SIRPB1: variants seen among roughly 807,000 people sequenced by gnomAD.
SIRPB1 encodes the protein signal regulatory protein beta 1.
Under a neutral mutation model 34.1 loss-of-function variants are expected in SIRPB1, and 28 were observed. The observed-to-expected ratio is 0.82, with a 90% CI of 0.61 to 1.12. The LOEUF (loss-of-function observed/expected upper bound fraction) is 1.12, where lower values mean the gene tolerates loss of function less well. SIRPB1 is among the 50% of genes most tolerant of loss of function. The probability of loss-of-function intolerance (pLI) is 0.00; values close to 1 mark genes in which losing one functional copy is unlikely to be tolerated. For synonymous variants in SIRPB1, 211 were observed against 203.8 expected (o/e 1.04, Z -0.30); for missense variants, 499 against 507.0 (o/e 0.98, Z 0.15).
rs2091131217 is a variant in SIRPB1 at position 1,566,218 on chromosome 20, G to A, written c.1134C>T (p.Gly378=). 6.2e-7 allele frequency: 1 copy of A among 1,612,338 alleles called. No homozygotes were observed. Among genetic ancestry groups the A allele is most frequent in the South Asian group, 1.1e-5 (1 of 90,548 alleles). ...TAPLLVALLL[G]PKLLLVVGVS... ...CACCAACCACCAGTAGCAGCTTGGGGCCCAGGAGGAGAGCTACGAGGAGTG... is the reference window on the plus strand; with the variant it reads ...CACCAACCACCAGTAGCAGCTTGGGACCCAGGAGGAGAGCTACGAGGAGTG... Residue 378 remains glycine, a synonymous_variant, in exon 5 of 6, where the codon GGC becomes GGT. Transcript: ENST00000381605.
chr20:1,616,720 C>A (rs972638482), intron 1 of SIRPB1, among the ~76,000 whole-genome samples: 1 of 152,124 alleles, frequency 6.6e-6, no homozygotes, highest in Non-Finnish European at 1.5e-5. Flanking sequence ...AACTAAAAAG[C>A]TTCTACACAG....
intron 4 of SIRPB1, chr20:1,570,389 A>G (rs1272002687): frequency 1.3e-5 from 2 of 156,706 alleles, no homozygotes; most frequent in African/African-American, 4.8e-5. Context: ...ACAGATGCGG[A>G]TGGAAAAGTT....
intron 2 of SIRPB1, among the ~76,000 whole-genome samples, chr20:1,574,561 A>T (rs2091286189): frequency 7.4e-6 from 1 of 135,854 alleles, no homozygotes; most frequent in Non-Finnish European, 1.6e-5. Flanking sequence ...TTTCCCAATG[A>T]TTCTAATGAG....
chr20:1,561,999 G>T lies in SIRPB1; in HGVS notation c.*3501C>A, dbSNP rs2091086640. 6.6e-6 allele frequency among the ~76,000 whole-genome samples: 1 copy of T among 152,058 alleles called. No homozygotes were observed. Among genetic ancestry groups the T allele is most frequent in the Admixed American group, 6.6e-5 (1 of 15,258 alleles). ...TTTATTCAATCATTTATTTATATCA[G>T]TATGGACTCAGATATTTATTTTATA... On this transcript the variant is annotated 3_prime_UTR_variant, in exon 6 of 6. Coordinates refer to ENST00000381605, the MANE Select transcript of SIRPB1 (RefSeq NM_006065.5).
chr20:1,617,527 C>T (rs1600172104), intron 1 of SIRPB1, among the ~76,000 whole-genome samples: 2 of 152,112 alleles, frequency 1.3e-5, no homozygotes, highest in African/African-American at 4.8e-5. Flanking sequence ...TTACCAGGCA[C>T]TAGGCAGGGG....
chr20:1,614,816 C>T (rs1426504285), intron 1 of SIRPB1, among the ~76,000 whole-genome samples: 1 of 152,070 alleles, frequency 6.6e-6, no homozygotes, highest in Non-Finnish European at 1.5e-5. Flanking sequence ...TGACTCATGA[C>T]TTACTGATTT....
chr20:1,604,956 G>T, intron 1 of SIRPB1: 1 of 609,904 alleles, frequency 1.6e-6, no homozygotes, highest in Middle Eastern at 6.2e-4. Flanking sequence ...ATTTCAGGGT[G>T]ATGTCTCTGG....
rs1199817176 is a variant in SIRPB1 at position 1,594,715 on chromosome 20, T to C, written c.77-16021A>G. Among the ~76,000 whole-genome samples, 2 of 48,644 alleles carry C rather than the reference T, an allele frequency of 4.1e-5. 1 individual carries two copies. The highest frequency in any genetic ancestry group is 2.8e-4 in the Admixed American group (2 of 7,272). The allele number at this position is 48,644 out of a possible 152,430, so 31.9% of individuals were successfully genotyped here. On this transcript the variant is annotated intron_variant, in intron 1 of 5. Transcript: ENST00000381605. ...TGACCCTGGGGACACTATTAACTTC[T>C]CTGTTTCTTGAGTTTCCTCAACTGT...
At chr20:1,567,088 TA>T (rs75930333) in intron 4 of SIRPB1, among the ~76,000 whole-genome samples, 181 of 149,372 alleles carry the variant, frequency 1.2e-3, no homozygotes, top group African/African-American at 4.2e-3. Context: ...ACAAAGGTAT[TA>T]AAAAAAATTT....
At chr20:1,578,845 A>G in intron 1 of SIRPB1, 151 bp from the exon 2 acceptor site, 1 of 682,436 alleles carries the variant, frequency 1.5e-6, no homozygotes, top group Admixed American at 2.5e-5. Context: ...TTTAACCCTC[A>G]CAACTGGCCT....
chr20:1,562,572 C>T lies in SIRPB1; in HGVS notation c.*2928G>A, dbSNP rs2091090098. Among the ~76,000 whole-genome samples, 2 of 152,210 alleles carry T rather than the reference C, an allele frequency of 1.3e-5. No homozygotes were observed. Among genetic ancestry groups the T allele is most frequent in the South Asian group, 4.1e-4 (2 of 4,824 alleles). Reference sequence around the variant, plus strand: ...TAGTTAAGTAACATCAGTCCCACAACACAAGTCTCAAAATTTAGGTGCCAT... The same window carrying T: ...TAGTTAAGTAACATCAGTCCCACAATACAAGTCTCAAAATTTAGGTGCCAT... On this transcript the variant is annotated 3_prime_UTR_variant, in exon 6 of 6. Coordinates refer to ENST00000381605, the MANE Select transcript of SIRPB1 (RefSeq NM_006065.5).
intron 4 of SIRPB1, among the ~76,000 whole-genome samples, chr20:1,567,164 C>T (rs1294534394): frequency 2.6e-5 from 4 of 152,108 alleles, no homozygotes; most frequent in Non-Finnish European, 5.9e-5. Flanking sequence ...CATCTATAGC[C>T]GCTGGAGTGT....
At position 1,594,345 on chromosome 20, in the gene SIRPB1, A is replaced by G. The variant is rs1387820909; in HGVS notation, c.77-15651T>C. Among the ~76,000 whole-genome samples the G allele has an allele frequency of 4.2e-4, 21 of 49,494 alleles. 9 individuals are homozygous for G. Among genetic ancestry groups the G allele is most frequent in the Non-Finnish European group, 7.4e-4 (19 of 25,602 alleles). 32.5% of individuals were successfully genotyped at this position (49,494 alleles called of 152,430 possible). A position where few individuals can be genotyped will look rare whatever the true frequency, so the allele number is the denominator to read the frequency against. ...GTTCTCAAGGAACTCCAATCCTTCA[A>G]TGAAGATATGCTAGATGCATAGATG... On this transcript the variant is annotated intron_variant, in intron 1 of 5. Coordinates refer to ENST00000381605, the MANE Select transcript of SIRPB1 (RefSeq NM_006065.5).
chr20:1,609,903 G>T lies in SIRPB1; in HGVS notation c.76+9966C>A, dbSNP rs1176124926. On this transcript the variant is annotated intron_variant, in intron 1 of 5. Coordinates refer to ENST00000381605, the MANE Select transcript of SIRPB1 (RefSeq NM_006065.5). ...CTGTGACCTAGGAACGCCACTTCCA[G>T]TGGGTGTCTCCCGCCTGAGTAGGGT... Among the ~76,000 whole-genome samples, 14 of 73,150 alleles carry T rather than the reference G, an allele frequency of 1.9e-4. 6 individuals are homozygous for T. Among genetic ancestry groups the T allele is most frequent in the Non-Finnish European group, 3.4e-4 (13 of 38,764 alleles). 48.0% of individuals were successfully genotyped at this position (73,150 alleles called of 152,430 possible).
In SIRPB1 at chr20:1,569,473, C is replaced by T. The variant is rs373053185; in HGVS notation, c.1084+1332G>A. Among the ~76,000 whole-genome samples, 71 of 152,342 alleles carry T rather than the reference C, an allele frequency of 4.7e-4. 2 individuals carry two copies. Among genetic ancestry groups the T allele is most frequent in the African/African-American group, 1.6e-3 (65 of 41,574 alleles). On this transcript the variant is annotated intron_variant, in intron 4 of 5. Transcript: ENST00000381605. The stretch of plus-strand genomic sequence containing the variant: ...CTCAATGTGCAACTGCAGGTGCATG[C>T]GTGAGCAAGTTTTCAGTGGACGTGA...
Position 1,619,792 on chromosome 20 carries a change from C to T in SIRPB1, c.76+77G>A, listed in dbSNP as rs577645151. On this transcript the variant is annotated intron_variant, in intron 1 of 5. Coordinates refer to ENST00000381605, the MANE Select transcript of SIRPB1 (RefSeq NM_006065.5). ...TTTCTTGGCAGCACTTGTCATTGTC[C>T]GGAATCCCTGAAAGTCCAGGGACAG... 2.1e-4 allele frequency: 233 copies of T among 1,086,106 alleles called. 3 individuals are homozygous for T. The South Asian group carries it at 3.0e-3, about 14-fold the overall frequency. 67.3% of individuals were successfully genotyped at this position (1,086,106 alleles called of 1,614,324 possible).
chr20:1,617,240 C>A (rs1469928014), intron 1 of SIRPB1, among the ~76,000 whole-genome samples: 1 of 152,144 alleles, frequency 6.6e-6, no homozygotes, highest in African/African-American at 2.4e-5. Context: ...ATCTGTGCTC[C>A]CATGTCCATT....
intron 2 of SIRPB1, among the ~76,000 whole-genome samples, chr20:1,577,399 A>G (rs1156478711): frequency 6.8e-6 from 1 of 147,648 alleles, no homozygotes; most frequent in African/African-American, 2.5e-5. Context: ...TCCCATCTGT[A>G]AAGGGGGTTG....
intron 1 of SIRPB1, among the ~76,000 whole-genome samples, chr20:1,578,992 C>T (rs2091363126): frequency 6.8e-6 from 1 of 147,972 alleles, no homozygotes; most frequent in Admixed American, 6.7e-5. Context: ...CTGTCTGCTG[C>T]CCAGGCTGGA....
Sources: gnomAD v4.1 joint callset for allele counts (sites outside exome capture counted in the v4.1 genomes callset) on GRCh38, gnomAD v4.1.1 for gene constraint, MANE v1.5 for transcripts, NCBI Gene and HGNC (gene_info 2026-07-23, HGNC 2026-07-21) for gene names.